The following PUDP variants were observed in gnomAD, a reference collection of about 807,000 sequenced individuals.
PUDP encodes the protein pseudouridine-5'-phosphatase.
In PUDP, 8 loss-of-function variants were observed where a neutral mutation model predicts 9.4. The ratio of observed to expected loss-of-function variants is 0.85; its 90% CI spans 0.50 to 1.53. PUDP has a LOEUF of 1.53. Ranked by LOEUF, PUDP falls within the 40% of genes most tolerant of loss-of-function variation. The probability of loss-of-function intolerance (pLI) is 0.00; values close to 1 mark genes in which losing one functional copy is unlikely to be tolerated. For synonymous variants in PUDP, 99 were observed against 80.7 expected (o/e 1.23, Z -1.22); for missense variants, 188 against 189.7 (o/e 0.99, Z 0.05).
intron 3 of PUDP, among the ~76,000 whole-genome samples, chrX:6,784,440 T>G (rs930297250): frequency 3.6e-5 from 4 of 111,234 alleles, no homozygotes; most frequent in African/African-American, 1.3e-4. Flanking sequence ...CAGAATTAGG[T>G]CTTACTCCTA....
At chrX:6,795,564 T>C (rs1485818040) in intron 3 of PUDP, among the ~76,000 whole-genome samples, 2 of 111,456 alleles carry the variant, frequency 1.8e-5, no homozygotes, top group African/African-American at 6.5e-5. Flanking sequence ...TGAATACTTA[T>C]CATGACCAGT....
intron 3 of PUDP, among the ~76,000 whole-genome samples, chrX:6,975,639 G>A (rs1317194513): frequency 1.8e-5 from 2 of 111,420 alleles, no homozygotes; most frequent in Non-Finnish European, 3.8e-5. Context: ...CCTGTATGAG[G>A]TGTCTGTTGA....
intron 3 of PUDP, among the ~76,000 whole-genome samples, chrX:6,752,435 T>C (rs771668971): frequency 1.8e-5 from 2 of 112,005 alleles, no homozygotes; most frequent in Non-Finnish European, 3.8e-5. Flanking sequence ...TGAAATATTC[T>C]ATGCAAAGGT....
intron 3 of PUDP, among the ~76,000 whole-genome samples, chrX:6,727,894 G>A (rs1196142912): frequency 8.9e-6 from 1 of 111,855 alleles, no homozygotes; most frequent in Non-Finnish European, 1.9e-5. Context: ...GCAAATCAAA[G>A]AAAATGACTG....
intron 3 of PUDP, among the ~76,000 whole-genome samples, chrX:6,852,774 T>C (rs1478822000): frequency 8.9e-6 from 1 of 112,116 alleles, no homozygotes; most frequent in African/African-American, 3.2e-5. Context: ...TACCACAATG[T>C]AGCAGTCTCT....
intron 3 of PUDP, among the ~76,000 whole-genome samples, chrX:6,849,185 T>TGAAGGTGA (rs1926792456): frequency 9.0e-6 from 1 of 111,581 alleles, no homozygotes; most frequent in Non-Finnish European, 1.9e-5. Context: ...TGCCGCTCCT[T>TGAAGGTGA]GAAGGTGAGA....
chrX:6,951,131 A>T lies in PUDP; in HGVS notation c.*247+26002T>A, dbSNP rs772988453. On this transcript the variant is annotated intron_variant and NMD_transcript_variant, in intron 3 of 3. Transcript: ENST00000655425. Reference sequence around the variant, plus strand: ...ACAACTGCATGAACCCATTTCTTATAATGAATCTCTATCTAAATATAGATA... The same window carrying T: ...ACAACTGCATGAACCCATTTCTTATTATGAATCTCTATCTAAATATAGATA... Among the ~76,000 whole-genome samples, 6 of 111,485 alleles carry T rather than the reference A, an allele frequency of 5.4e-5. No individual in the cohort carries two copies. The South Asian group carries it at 2.3e-3, about 42-fold the overall frequency.
intron 1 of PUDP, among the ~76,000 whole-genome samples, chrX:7,131,542 A>T (rs1385830109): frequency 2.7e-5 from 3 of 109,765 alleles, no homozygotes; most frequent in Non-Finnish European, 3.8e-5. Context: ...CAAGCCAAGG[A>T]AAAACGCAGC....
chrX:7,008,284 G>A (rs957213445), intron 1 of PUDP, among the ~76,000 whole-genome samples: 26 of 111,080 alleles, frequency 2.3e-4, no homozygotes, highest in Non-Finnish European at 4.9e-4. Context: ...TTTTTAATGC[G>A]CTCTCTTTTC....
chrX:7,106,478 G>C (rs1242628379), intron 1 of PUDP, among the ~76,000 whole-genome samples: 1 of 112,493 alleles, frequency 8.9e-6, no homozygotes, highest in Non-Finnish European at 1.9e-5. Flanking sequence ...AAGATGAACA[G>C]GAATACTGCT....
intron 3 of PUDP, among the ~76,000 whole-genome samples, chrX:6,816,993 A>T (rs1569105116): frequency 8.6e-5 from 8 of 93,394 alleles, no homozygotes; most frequent in African/African-American, 1.8e-4. Context: ...TATACTATAT[A>T]GTATATATAA....
chrX:6,754,220 T>C (rs1925142623), intron 3 of PUDP, among the ~76,000 whole-genome samples: 1 of 111,309 alleles, frequency 9.0e-6, no homozygotes, highest in Non-Finnish European at 1.9e-5. Context: ...ATTCTTATGA[T>C]AGTGAGTGAG....
At chrX:6,879,365 T>C (rs898144938) in intron 3 of PUDP, among the ~76,000 whole-genome samples, 4 of 111,668 alleles carry the variant, frequency 3.6e-5, no homozygotes, top group African/African-American at 1.3e-4. Context: ...CCTTGAATTT[T>C]GTTGTTGTTG....
rs184534192 is a variant in PUDP, at chrX:6,942,791, C to G, written c.*247+34342G>C. ...GAGAAACACACACAGGGAAGACAGC[C>G]ACATGAAGATGGGGGCAGATATTGG... On this transcript the variant is annotated intron_variant and NMD_transcript_variant, in intron 3 of 3. Coordinates refer to the PUDP transcript ENST00000655425. Among the ~76,000 whole-genome samples, 367 of 111,543 alleles carry G rather than the reference C, an allele frequency of 3.3e-3. 2 individuals are homozygous for G. Among genetic ancestry groups the G allele is most frequent in the African/African-American group, 0.012 (359 of 30,726 alleles).
chrX:6,751,247 C>G (rs746571150), intron 3 of PUDP, among the ~76,000 whole-genome samples: 23 of 111,787 alleles, frequency 2.1e-4, no homozygotes, highest in African/African-American at 6.8e-4. Flanking sequence ...ATTGTGACCT[C>G]AAAAAGAATA....
chrX:6,834,624 A>G (rs773939868), intron 3 of PUDP, among the ~76,000 whole-genome samples: 4 of 111,862 alleles, frequency 3.6e-5, no homozygotes, highest in Non-Finnish European at 7.5e-5. Flanking sequence ...TGACCTTCAG[A>G]TAGGAAAGTG....
At chrX:6,935,958 C>A (rs1468476368) in intron 3 of PUDP, among the ~76,000 whole-genome samples, 1 of 103,868 alleles carries the variant, frequency 9.6e-6, no homozygotes, top group African/African-American at 3.5e-5. Flanking sequence ...TCTGAATAGA[C>A]CAATAACAGG....
chrX:6,844,584 T>C (rs1926716469), intron 3 of PUDP, among the ~76,000 whole-genome samples: 2 of 112,494 alleles, frequency 1.8e-5, no homozygotes, highest in African/African-American at 6.5e-5. Context: ...AGAACAAGTA[T>C]TCTGATGCCA....
intron 2 of PUDP, among the ~76,000 whole-genome samples, chrX:7,094,023 C>T (rs1284911725): frequency 9.0e-6 from 1 of 111,023 alleles, no homozygotes; most frequent in Non-Finnish European, 1.9e-5. Flanking sequence ...GTGGGAGGAT[C>T]GCTTGGGTTT....
Sources: gnomAD v4.1 joint callset for allele counts (sites outside exome capture counted in the v4.1 genomes callset) on GRCh38, gnomAD v4.1.1 for gene constraint, MANE v1.5 for transcripts, NCBI Gene and HGNC (gene_info 2026-07-23, HGNC 2026-07-21) for gene names.